Variants in TEK observed in about 807,000 individuals in gnomAD.
TEK encodes TEK receptor tyrosine kinase.
A neutral mutation model predicts 131.8 loss-of-function variants in TEK; 43 were observed. The ratio of observed to expected loss-of-function variants is 0.33; its 90% confidence interval spans 0.26 to 0.42. The LOEUF (loss-of-function observed/expected upper bound fraction) is 0.42, where lower values mean the gene tolerates loss of function less well. TEK is among the 10% of genes least tolerant of loss of function. TEK has a pLI of 1.00. For missense variants in TEK, 1,162 were observed against 1,384.4 expected (o/e 0.84, Z 2.55); for synonymous variants, 580 against 491.6 (o/e 1.18, Z -2.38).
At chr9:27,141,777 C>A (rs540401363) in intron 1 of TEK, among the ~76,000 whole-genome samples, 1 of 152,140 alleles carries the variant, frequency 6.6e-6, no homozygotes, top group African/African-American at 2.4e-5. Flanking sequence ...GATATACTTC[C>A]ATTACATGAT....
chr9:27,182,556 A>G (rs916332020), intron 7 of TEK, among the ~76,000 whole-genome samples: 21 of 151,316 alleles, frequency 1.4e-4, no homozygotes, highest in African/African-American at 4.8e-4. Flanking sequence ...ATCATTATTG[A>G]CCCCGCCTCT....
chr9:27,159,149 G>C (rs907611614), intron 2 of TEK, among the ~76,000 whole-genome samples: 1 of 152,170 alleles, frequency 6.6e-6, no homozygotes, highest in Non-Finnish European at 1.5e-5. Context: ...GCTGGCCTTG[G>C]CTGGGGCAAC....
At chr9:27,130,480 A>G (rs1225962503) in intron 1 of TEK, among the ~76,000 whole-genome samples, 1 of 152,184 alleles carries the variant, frequency 6.6e-6, no homozygotes, top group Non-Finnish European at 1.5e-5. Flanking sequence ...TTTTAAGTTT[A>G]AAACACAATA....
intron 1 of TEK, among the ~76,000 whole-genome samples, chr9:27,111,428 A>G (rs1821341519): frequency 6.6e-6 from 1 of 151,756 alleles, no homozygotes; most frequent in African/African-American, 2.4e-5. Flanking sequence ...CTCTAGTCAA[A>G]CTCCTGGTAG....
In TEK at chr9:27,169,465, C is replaced by T. The variant is rs758965441; in HGVS notation, c.476-12C>T. The T allele has an allele frequency of 1.2e-6, 2 of 1,613,756 alleles. No individual in the cohort carries two copies. Among genetic ancestry groups the T allele is most frequent in the Non-Finnish European group, 1.7e-6 (2 of 1,179,804 alleles). ...GTGTGACCTACGGTTCTTCACTCTT[C>T]CCTCTTACTAGGTTCCTTCATCCAT... On this transcript the variant is annotated splice_polypyrimidine_tract_variant and intron_variant, in intron 3 of 22. Coordinates refer to ENST00000380036, the MANE Select transcript of TEK (RefSeq NM_000459.5).
intron 18 of TEK, among the ~76,000 whole-genome samples, chr9:27,216,165 G>C (rs1825814200): frequency 6.6e-6 from 1 of 152,148 alleles, no homozygotes; most frequent in Non-Finnish European, 1.5e-5. Context: ...GAACCATAGG[G>C]ACATTAAAGA....
At position 27,183,579 on chromosome 9, in the gene TEK, C is replaced by G; in HGVS notation, c.1151C>G (p.Thr384Ser). The G allele has an allele frequency of 6.2e-7, 1 of 1,613,886 alleles. No homozygotes were observed. Among genetic ancestry groups the G allele is most frequent in the Non-Finnish European group, 8.5e-7 (1 of 1,179,840 alleles). ...CCGCTACCTACTAATGAAGAAATGACCCTGGTGAAGCCGGATGGGACAGTG... is the reference window on the plus strand; with the variant it reads ...CCGCTACCTACTAATGAAGAAATGAGCCTGGTGAAGCCGGATGGGACAGTG... ...GWPLPTNEEM[T>S]LVKPDGTVLH... Residue 384 changes from threonine to serine, a missense_variant, in exon 8 of 23, where the codon ACC (threonine) becomes AGC (serine). By Grantham distance (58) the Thr-to-Ser change is moderately conservative. Transcript: ENST00000380036.
intron 1 of TEK, among the ~76,000 whole-genome samples, chr9:27,152,904 T>A (rs1823183671): frequency 6.6e-6 from 1 of 152,184 alleles, no homozygotes; most frequent in South Asian, 2.1e-4. Flanking sequence ...CAATATTGAA[T>A]ACAAGAAAAT....
chr9:27,228,964 G>A (rs913555675), intron 22 of TEK, among the ~76,000 whole-genome samples, 194 bp from the exon 23 acceptor site: 1 of 152,194 alleles, frequency 6.6e-6, no homozygotes, highest in Non-Finnish European at 1.5e-5. Flanking sequence ...AATCTTACTT[G>A]CAGAACGCAA....
chr9:27,228,557 G>C (rs1034430679), intron 22 of TEK, among the ~76,000 whole-genome samples: 4 of 152,096 alleles, frequency 2.6e-5, no homozygotes, highest in Admixed American at 1.3e-4. Flanking sequence ...AGAGTTGGAA[G>C]GAATTTTCGT....
chr9:27,163,012 C>G (rs1823599996), intron 2 of TEK, among the ~76,000 whole-genome samples: 8 of 152,218 alleles, frequency 5.3e-5, no homozygotes. Flanking sequence ...GTGCGCCCAG[C>G]CACCACAATT....
At chr9:27,219,092 C>T (rs991394861) in intron 20 of TEK, among the ~76,000 whole-genome samples, 5 of 152,040 alleles carry the variant, frequency 3.3e-5, no homozygotes, top group African/African-American at 1.2e-4. Flanking sequence ...ACTTCTAAAA[C>T]TCTTAGATTA....
chr9:27,169,625 C>T lies in TEK; in HGVS notation c.624C>T (p.Val208=). 1 of 1,613,998 alleles carries T rather than the reference C, an allele frequency of 6.2e-7. No homozygotes were observed. The highest frequency in any genetic ancestry group is 8.5e-7 in the Non-Finnish European group (1 of 1,179,954). The change falls in exon 4 of 23, where the codon GTC becomes GTT. Residue 208 remains valine (V), a synonymous_variant. Coordinates refer to ENST00000380036, the MANE Select transcript of TEK (RefSeq NM_000459.5). ...CCTCGGCCTTCACCAGGCTGATAGT[C>T]CGGAGTAAGTGATGGAGAGGCCACC... ...LFTSAFTRLI[V]RRCEAQKWGP... is the part of the protein sequence containing the mutation.
At position 27,165,445 on chromosome 9, in the gene TEK, C is replaced by A. The variant is rs138388577; in HGVS notation, c.365-3050C>A. 4.7e-4 allele frequency among the ~76,000 whole-genome samples: 71 copies of A among 152,226 alleles called. 1 individual carries two copies. Among genetic ancestry groups the A allele is most frequent in the African/African-American group, 1.6e-3 (68 of 41,526 alleles). On this transcript the variant is annotated intron_variant, in intron 2 of 22. Transcript: ENST00000380036. ...GCAGAAGCCCCACAAAGACAGCCCC[C>A]CTCACCATCCAGTCCCCTGTCTGCT...
intron 1 of TEK, among the ~76,000 whole-genome samples, chr9:27,123,555 G>T (rs2131046195): frequency 6.6e-6 from 1 of 152,344 alleles, no homozygotes; most frequent in South Asian, 2.1e-4. Context: ...AGACATAAAA[G>T]ATTATCTAGC....
chr9:27,202,753 C>G (rs1427322203), intron 12 of TEK, 67 bp from the exon 13 acceptor site: 2 of 1,534,232 alleles, frequency 1.3e-6, no homozygotes, highest in Non-Finnish European at 1.8e-6. Context: ...AACTCTATCT[C>G]AAAAGCATAA....
Position 27,143,379 on chromosome 9 carries a change from G to A in TEK, c.53-14452G>A, listed in dbSNP as rs190868608. Among the ~76,000 whole-genome samples the A allele has an allele frequency of 9.5e-4, 144 of 152,298 alleles. 1 individual carries two copies. Among genetic ancestry groups the A allele is most frequent in the African/African-American group, 3.3e-3 (139 of 41,554 alleles). ...ACCTGAACCCAGTGGGACATAGGTA[G>A]CCATCATGGATCCAGGGTTGAGTGG... On this transcript the variant is annotated intron_variant, in intron 1 of 22. Transcript: ENST00000380036.
intron 2 of TEK, among the ~76,000 whole-genome samples, chr9:27,165,376 G>A (rs1005965484): frequency 1.3e-5 from 2 of 152,162 alleles, no homozygotes; most frequent in Non-Finnish European, 2.9e-5. Flanking sequence ...GAGAGCAAGA[G>A]CTGCATGCAT....
chr9:27,169,328 T>C, intron 3 of TEK, 149 bp from the exon 4 acceptor site: 1 of 1,036,182 alleles, frequency 9.7e-7, no homozygotes, highest in Non-Finnish European at 1.5e-6. Flanking sequence ...TACTGAATAG[T>C]TCAGCATTTT....
Sources: gnomAD v4.1 joint callset for allele counts (sites outside exome capture counted in the v4.1 genomes callset) on GRCh38, gnomAD v4.1.1 for gene constraint, MANE v1.5 for transcripts, NCBI Gene and HGNC (gene_info 2026-07-23, HGNC 2026-07-21) for gene names.